The following TRPC3 variants were observed in gnomAD, a reference collection of about 807,000 sequenced individuals.
TRPC3 encodes the protein short transient receptor potential channel 3.
In TRPC3, 54 loss-of-function variants were observed where a neutral mutation model predicts 90.9. That is an observed-to-expected ratio of 0.59 (90% CI 0.48 to 0.75). The LOEUF (loss-of-function observed/expected upper bound fraction) is 0.75. Among genes scored for constraint, TRPC3 ranks in the 30% least tolerant of loss-of-function variants. The pLI is 0.00. For synonymous variants in TRPC3, 424 were observed against 450.9 expected (o/e 0.94, Z 0.75); for missense variants, 918 against 1,194.5 (o/e 0.77, Z 3.41).
intron 10 of TRPC3, among the ~76,000 whole-genome samples, chr4:121,897,617 C>A (rs1728564152): frequency 6.6e-6 from 1 of 151,442 alleles, no homozygotes; most frequent in Non-Finnish European, 1.5e-5. Flanking sequence ...TATCATCTCA[C>A]TCCAGTTAGA....
At chr4:121,926,318 C>T (rs1347173303) in intron 2 of TRPC3, among the ~76,000 whole-genome samples, 1 of 152,130 alleles carries the variant, frequency 6.6e-6, no homozygotes, top group African/African-American at 2.4e-5. Flanking sequence ...CTTTCTTTAC[C>T]TCCCTGAATA....
chr4:121,950,713 C>T (rs1730693799), intron 1 of TRPC3: 1 of 152,278 alleles, frequency 6.6e-6, no homozygotes, highest in Non-Finnish European at 1.5e-5. Flanking sequence ...AGAGCCCGCG[C>T]GCCGGGGCGC....
At chr4:121,914,674 T>C in intron 4 of TRPC3, 106 bp downstream of exon 4, 2 of 1,170,352 alleles carry the variant, frequency 1.7e-6, no homozygotes, top group Non-Finnish European at 2.3e-6. Flanking sequence ...TCAATTAACA[T>C]TCAGGGTAAA....
At chr4:121,891,053 T>C (rs1164472151) in intron 10 of TRPC3, among the ~76,000 whole-genome samples, 1 of 152,068 alleles carries the variant, frequency 6.6e-6, no homozygotes, top group African/African-American at 2.4e-5. Context: ...GATCCATCTA[T>C]AGAACAATCA....
At chr4:121,882,457 C>T (rs200819072) in intron 10 of TRPC3, 28 bp from the exon 11 acceptor site, 54 of 1,599,162 alleles carry the variant, frequency 3.4e-5, no homozygotes, top group Non-Finnish European at 4.6e-5. Flanking sequence ...ATGATTAGAT[C>T]TCCAATGATA....
At chr4:121,888,952 C>T (rs1716738477) in intron 10 of TRPC3, among the ~76,000 whole-genome samples, 1 of 152,066 alleles carries the variant, frequency 6.6e-6, no homozygotes, top group East Asian at 1.9e-4. Context: ...CCCTTTTCTG[C>T]CATATGAGAC....
chr4:121,917,816 T>A (rs1239530781), intron 3 of TRPC3, among the ~76,000 whole-genome samples: 2 of 152,180 alleles, frequency 1.3e-5, no homozygotes, highest in Non-Finnish European at 1.5e-5. Context: ...AAACTACAGG[T>A]GGAGCATATA....
intron 6 of TRPC3, among the ~76,000 whole-genome samples, chr4:121,909,262 C>T (rs185656874): frequency 1.2e-3 from 186 of 152,136 alleles, no homozygotes; most frequent in African/African-American, 4.3e-3. Flanking sequence ...GAAGTCCAGC[C>T]TTCAATAACA....
At chr4:121,933,158 G>T (rs1253252037) in intron 1 of TRPC3, 116 bp from the exon 2 acceptor site, 2 of 1,408,726 alleles carry the variant, frequency 1.4e-6, no homozygotes, top group Admixed American at 3.1e-5. Flanking sequence ...GGCTGCAGGG[G>T]TCGGCTCAGT....
At chr4:121,886,638 AC>A (rs1452403373) in intron 10 of TRPC3, among the ~76,000 whole-genome samples, 1 of 152,200 alleles carries the variant, frequency 6.6e-6, no homozygotes, top group African/African-American at 2.4e-5. Flanking sequence ...CTTTGGGGTA[AC>A]AGAGAATAAA....
chr4:121,909,986 C>T (rs1729023703), intron 6 of TRPC3, among the ~76,000 whole-genome samples, 168 bp downstream of exon 6: 1 of 152,076 alleles, frequency 6.6e-6, no homozygotes, highest in Non-Finnish European at 1.5e-5. Flanking sequence ...GGGTCAGAGC[C>T]TTGAAATGAA....
Position 121,951,358 on chromosome 4 carries a change from G to T in TRPC3, c.215+108C>A. On this transcript the variant is annotated intron_variant, in intron 1 of 11. Coordinates refer to ENST00000379645, the MANE Select transcript of TRPC3 (RefSeq NM_001130698.2). The surrounding 1 kb of genome is among the most constrained non-coding windows in gnomAD (Gnocchi z 4.4). ...TCGAACTGCCTGGCCGTACCATGTGGGTCTCGGAGGTCCCGGGCTCGACGT... is the reference window on the plus strand; with the variant it reads ...TCGAACTGCCTGGCCGTACCATGTGTGTCTCGGAGGTCCCGGGCTCGACGT... 1 of 663,668 alleles carries T rather than the reference G, an allele frequency of 1.5e-6. No individual in the cohort carries two copies. Among genetic ancestry groups the T allele is most frequent in the Non-Finnish European group, 2.0e-6 (1 of 505,732 alleles). 41.1% of individuals were successfully genotyped at this position (663,668 alleles called of 1,614,324 possible).
At chr4:121,907,098 G>A (rs2149121984) in intron 7 of TRPC3, among the ~76,000 whole-genome samples, 1 of 152,070 alleles carries the variant, frequency 6.6e-6, no homozygotes, top group South Asian at 2.1e-4. Flanking sequence ...TCCAAATTCT[G>A]ACCCATTCTG....
intron 1 of TRPC3, among the ~76,000 whole-genome samples, chr4:121,950,292 C>T (rs1730667338): frequency 6.6e-6 from 1 of 152,240 alleles, no homozygotes; most frequent in South Asian, 2.1e-4. Flanking sequence ...GCGCGCGATC[C>T]TGGGGATGCA....
At position 121,878,680 on chromosome 4, in the gene TRPC3, A is replaced by G. The variant is rs1266059777; in HGVS notation, c.*1056T>C. Among the ~76,000 whole-genome samples, 1 of 152,238 alleles carries G rather than the reference A, an allele frequency of 6.6e-6. No individual in the cohort carries two copies. Among genetic ancestry groups the G allele is most frequent in the Non-Finnish European group, 1.5e-5 (1 of 68,038 alleles). On this transcript the variant is annotated 3_prime_UTR_variant, in exon 12 of 12. Transcript: ENST00000379645. ...ATTTTATATAGAAAGTGGAACTGGA[A>G]TCCTTTGATAAGAAACAAAGATGTC...
At chr4:121,925,333 A>G (rs1469979606) in intron 2 of TRPC3, 127 bp from the exon 3 acceptor site, 9 of 993,712 alleles carry the variant, frequency 9.1e-6, no homozygotes, top group African/African-American at 8.3e-5. Flanking sequence ...CCTGGATGCA[A>G]GGCTTGTTGA....
At chr4:121,905,316 G>A (rs1024333127) in intron 7 of TRPC3, among the ~76,000 whole-genome samples, 4 of 152,060 alleles carry the variant, frequency 2.6e-5, no homozygotes, top group East Asian at 1.9e-4. Flanking sequence ...CCCTGTAGAC[G>A]CCTCTCTATT....
At chr4:121,925,280 G>A in intron 2 of TRPC3, 74 bp from the exon 3 acceptor site, 2 of 1,455,390 alleles carry the variant, frequency 1.4e-6, no homozygotes, top group Admixed American at 4.7e-5. Context: ...GGGTGAATTA[G>A]AAAAAGGTAT....
At chr4:121,928,802 T>C (rs1381896052) in intron 2 of TRPC3, among the ~76,000 whole-genome samples, 1 of 152,250 alleles carries the variant, frequency 6.6e-6, no homozygotes, top group African/African-American at 2.4e-5. Flanking sequence ...TTAATGTATA[T>C]GTTTAATTAC....
Sources: allele counts gnomAD v4.1 joint callset (sites outside exome capture counted in the v4.1 genomes callset), GRCh38; gene constraint gnomAD v4.1.1; non-coding constraint Gnocchi (gnomAD v3.1); transcripts MANE v1.5; gene names NCBI Gene and HGNC (gene_info 2026-07-23, HGNC 2026-07-21).